Variants in ANK3 observed in about 807,000 individuals in gnomAD.
ANK3 encodes ankyrin-3.
In ANK3, 57 loss-of-function variants were observed where a neutral mutation model predicts 370.9. The ratio of observed to expected loss-of-function variants is 0.15; its 90% confidence interval spans 0.12 to 0.19. ANK3 has a LOEUF of 0.19. ANK3 is among the 10% of genes least tolerant of loss of function. The pLI is 1.00. For synonymous variants in ANK3, 1,929 were observed against 1,946.3 expected (o/e 0.99, Z 0.23); for missense variants, 4,439 against 5,302.1 (o/e 0.84, Z 5.06).
intron 7 of ANK3, among the ~76,000 whole-genome samples, chr10:60,246,544 CA>C (rs1215001396): frequency 6.6e-6 from 1 of 152,148 alleles, no homozygotes; most frequent in East Asian, 1.9e-4. Context: ...TCAGAGAGAC[CA>C]ACTAATCCCA....
Position 60,234,768 on chromosome 10 carries a change from G to T in ANK3, c.817C>A (p.His273Asn). The T allele has an allele frequency of 6.2e-7, 1 of 1,610,322 alleles. No homozygotes were observed. The highest frequency in any genetic ancestry group is 8.5e-7 in the Non-Finnish European group (1 of 1,176,746). Residue 273 changes from histidine (H) to asparagine (N), a missense_variant, in exon 8 of 44, where the codon CAT (histidine) becomes AAT (asparagine). This residue lies in a region of ANK3 where 227 missense variants were observed against 377.6 expected (regional missense o/e 0.60). Transcript: ENST00000280772. ...GCATTTCCTCTTTTTGATGCAACAT[G>T]TAAAGGAGTGATGTCATTCTGGGAA... Reference protein sequence around the residue: ...FTARNDITPLHVASKRGNANM... With the variant: ...FTARNDITPLNVASKRGNANM...
At chr10:60,700,241 G>T (rs2079528331) in intron 1 of ANK3, among the ~76,000 whole-genome samples, 1 of 152,054 alleles carries the variant, frequency 6.6e-6, no homozygotes, top group African/African-American at 2.4e-5. Context: ...TTCCAATACA[G>T]ATAAATACAA....
At chr10:60,444,444 G>A (rs1056897194) in intron 2 of ANK3, among the ~76,000 whole-genome samples, 14 of 148,786 alleles carry the variant, frequency 9.4e-5, no homozygotes, top group South Asian at 2.1e-4. Context: ...GTGTGTGTGT[G>A]TATATATATA....
At chr10:60,299,336 T>C (rs2043202312) in intron 1 of ANK3, among the ~76,000 whole-genome samples, 1 of 152,198 alleles carries the variant, frequency 6.6e-6, no homozygotes, top group South Asian at 2.1e-4. Context: ...TTTTCCAAAT[T>C]GCTTTTTGTA....
intron 16 of ANK3, among the ~76,000 whole-genome samples, chr10:60,192,915 T>A (rs887093332): frequency 1.3e-5 from 2 of 152,078 alleles, no homozygotes; most frequent in East Asian, 3.8e-4. Context: ...ACCTCCTGTT[T>A]GTGCCATGAG....
intron 2 of ANK3, among the ~76,000 whole-genome samples, chr10:60,565,086 C>T (rs1054072318): frequency 5.3e-5 from 8 of 151,888 alleles, no homozygotes; most frequent in South Asian, 2.1e-4. Flanking sequence ...TATAGTCCTA[C>T]GAGATAAATG....
At chr10:60,318,727 G>A (rs541831884) in intron 1 of ANK3, among the ~76,000 whole-genome samples, 15 of 151,880 alleles carry the variant, frequency 9.9e-5, no homozygotes, top group Admixed American at 3.3e-4. Context: ...TCACTTCCTC[G>A]CCACCCTGCC....
intron 16 of ANK3, among the ~76,000 whole-genome samples, chr10:60,193,471 C>T (rs968694142): frequency 6.6e-6 from 1 of 151,098 alleles, no homozygotes; most frequent in East Asian, 2.0e-4. Flanking sequence ...AGCTGGCCAA[C>T]ATGAAGAAAC....
chr10:60,689,657 C>T (rs1348270521), intron 1 of ANK3, among the ~76,000 whole-genome samples: 1 of 150,636 alleles, frequency 6.6e-6, no homozygotes, highest in African/African-American at 2.4e-5. Flanking sequence ...GAAGCTGAGG[C>T]AGGAGAATCG....
chr10:60,515,167 G>T (rs2076188103), intron 2 of ANK3, among the ~76,000 whole-genome samples: 1 of 152,158 alleles, frequency 6.6e-6, no homozygotes, highest in African/African-American at 2.4e-5. Context: ...GGTGATGCAG[G>T]TACAGATACT....
intron 2 of ANK3, among the ~76,000 whole-genome samples, chr10:60,422,864 A>G (rs1038686206): frequency 6.6e-6 from 1 of 152,070 alleles, no homozygotes; most frequent in Non-Finnish European, 1.5e-5. Context: ...AAACGTGAAA[A>G]TTTTGCTTTG....
intron 18 of ANK3, among the ~76,000 whole-genome samples, chr10:60,179,274 C>T (rs2096072295): frequency 6.6e-6 from 1 of 152,098 alleles, no homozygotes; most frequent in Non-Finnish European, 1.5e-5. Context: ...GTGACCTTTG[C>T]AGAGAAGAGA....
At chr10:60,060,908 G>C (rs182213947) in intron 40 of ANK3, among the ~76,000 whole-genome samples, 79 of 152,260 alleles carry the variant, frequency 5.2e-4, no homozygotes, top group Admixed American at 5.2e-3. Context: ...AAAGGGGAGG[G>C]GGGAACGAAT....
chr10:60,206,589 C>G (rs186602521), intron 10 of ANK3, among the ~76,000 whole-genome samples: 116 of 152,310 alleles, frequency 7.6e-4, no homozygotes, highest in Middle Eastern at 6.8e-3. Flanking sequence ...TTATTCTGTT[C>G]TCTTTGCTGT....
intron 23 of ANK3, chr10:60,139,364 C>T (rs968922770): frequency 7.3e-5 from 27 of 370,542 alleles, no homozygotes; most frequent in East Asian, 1.3e-4. Flanking sequence ...CCCTGTAAGC[C>T]TCAGCTGACT....
chr10:60,470,807 C>A (rs76019848), intron 2 of ANK3, among the ~76,000 whole-genome samples: 1 of 151,976 alleles, frequency 6.6e-6, no homozygotes, highest in African/African-American at 2.4e-5. Context: ...AAAAAACAAA[C>A]AAACAAAAAA....
At chr10:60,088,691 C>CA (rs1428291774) in intron 28 of ANK3, among the ~76,000 whole-genome samples, 1 of 152,162 alleles carries the variant, frequency 6.6e-6, no homozygotes, top group Non-Finnish European at 1.5e-5. Flanking sequence ...TCCCAAGGTG[C>CA]TGGGATTACA....
In ANK3 at chr10:60,693,233, G is replaced by A. The variant is rs60463612; in HGVS notation, c.57+40030C>T. 2.2e-3 allele frequency among the ~76,000 whole-genome samples: 332 copies of A among 152,354 alleles called. 1 individual carries two copies. The highest frequency in any genetic ancestry group is 7.0e-3 in the African/African-American group (289 of 41,580). The stretch of plus-strand genomic sequence containing the variant: ...ACAGCTCACCAGGAGATTATATCCC[G>A]CACCTGGCTCGCAGGGTCCTAAGCC... On this transcript the variant is annotated intron_variant, in intron 1 of 43. Coordinates refer to the ANK3 transcript ENST00000373827.
intron 2 of ANK3, among the ~76,000 whole-genome samples, chr10:60,534,885 T>C (rs2076688027): frequency 6.6e-5 from 10 of 152,134 alleles, no homozygotes. Context: ...AGTACTTCCC[T>C]AGCTTTTCAG....
Sources: allele counts gnomAD v4.1 joint callset (sites outside exome capture counted in the v4.1 genomes callset), GRCh38; gene constraint gnomAD v4.1.1; regional missense constraint gnomAD v4.1.1; transcripts MANE v1.5; gene names NCBI Gene and HGNC (gene_info 2026-07-23, HGNC 2026-07-21).